The following RBFOX1 variants were observed in gnomAD, a reference collection of about 807,000 sequenced individuals.
RBFOX1 encodes the protein RNA binding fox-1 homolog 1.
A neutral mutation model predicts 57.7 loss-of-function variants in RBFOX1; 8 were observed. The observed-to-expected ratio is 0.14, with a 90% CI of 0.08 to 0.25. The LOEUF is 0.25. Among genes scored for constraint, RBFOX1 ranks in the 10% least tolerant of loss-of-function variants. The probability of loss-of-function intolerance (pLI) is 1.00; values close to 1 mark genes in which losing one functional copy is unlikely to be tolerated. For missense variants in RBFOX1, 611 were observed against 548.5 expected, an observed-to-expected ratio of 1.11 and a Z score of -1.14; for synonymous variants, 326 against 222.4, an observed-to-expected ratio of 1.47 and a Z score of -4.15.
chr16:6,249,808 G>GTA (rs981597113), intron 1 of RBFOX1, among the ~76,000 whole-genome samples: 1 of 150,436 alleles, frequency 6.6e-6, no homozygotes, highest in African/African-American at 2.5e-5. Flanking sequence ...AAGTTTTAGG[G>GTA]TACGTGTGCA....
chr16:7,220,268 C>G (rs1378132997), intron 4 of RBFOX1, among the ~76,000 whole-genome samples: 1 of 152,220 alleles, frequency 6.6e-6, no homozygotes, highest in Non-Finnish European at 1.5e-5. Flanking sequence ...CAGTGGGCGT[C>G]TGGTCCTGCC....
chr16:6,424,567 G>C (rs1251388922), intron 2 of RBFOX1, among the ~76,000 whole-genome samples: 1 of 151,638 alleles, frequency 6.6e-6, no homozygotes, highest in African/African-American at 2.4e-5. Flanking sequence ...CTTGTTAATA[G>C]TGCTGAGGTT....
intron 4 of RBFOX1, among the ~76,000 whole-genome samples, chr16:5,944,720 C>G (rs945648359): frequency 7.6e-5 from 11 of 145,344 alleles, no homozygotes; most frequent in African/African-American, 2.6e-4. Flanking sequence ...TTTGAGAGGC[C>G]AAGGTGGGCA....
Position 7,630,697 on chromosome 16 carries a change from C to A in RBFOX1, c.757+14C>A. The A allele has an allele frequency of 6.2e-7, 1 of 1,613,978 alleles. No individual in the cohort carries two copies. The highest frequency in any genetic ancestry group is 8.5e-7 in the Non-Finnish European group (1 of 1,179,982). The stretch of plus-strand genomic sequence containing the variant: ...ATACTTCTGCAAGTAAGCCCACTGT[C>A]GTGGCTCTTTTTGTTTTGTGACATA... On this transcript the variant is annotated intron_variant, in intron 11 of 15. Coordinates refer to ENST00000550418, the MANE Select transcript of RBFOX1 (RefSeq NM_018723.4).
intron 3 of RBFOX1, among the ~76,000 whole-genome samples, chr16:5,629,571 A>C (rs1020280305): frequency 2.7e-4 from 41 of 152,336 alleles, no homozygotes; most frequent in Middle Eastern, 3.4e-3. Context: ...ATACCTGAGA[A>C]GCTGCTTTAG....
intron 3 of RBFOX1, among the ~76,000 whole-genome samples, chr16:5,756,152 G>T (rs1244907386): frequency 1.5e-5 from 2 of 137,460 alleles, no homozygotes; most frequent in Non-Finnish European, 3.0e-5. Flanking sequence ...AAACCAGAAG[G>T]TTCCATGCCT....
At chr16:7,210,818 A>T (rs2090978455) in intron 4 of RBFOX1, among the ~76,000 whole-genome samples, 1 of 152,150 alleles carries the variant, frequency 6.6e-6, no homozygotes, top group Non-Finnish European at 1.5e-5. Flanking sequence ...GCAAGTCTAG[A>T]GATCCAATGT....
chr16:6,038,663 T>G (rs1021125573), intron 1 of RBFOX1: 1 of 148,662 alleles, frequency 6.7e-6, no homozygotes, highest in African/African-American at 2.5e-5. Flanking sequence ...GTAGGAGCTT[T>G]TGTGACCCAT....
intron 3 of RBFOX1, among the ~76,000 whole-genome samples, chr16:6,831,270 A>G (rs2092690145): frequency 6.6e-6 from 1 of 152,202 alleles, no homozygotes; most frequent in Non-Finnish European, 1.5e-5. Flanking sequence ...TGGCTCACCC[A>G]GGTCTTATAG....
At chr16:7,612,477 C>G (rs11640969) in intron 10 of RBFOX1, among the ~76,000 whole-genome samples, 75,074 of 151,172 alleles carry the variant, frequency 0.5, 19,841 homozygotes, top group Non-Finnish European at 0.58. Flanking sequence ...CAGAATATCT[C>G]TACCCAGTAG....
rs148142903 is a variant in RBFOX1 at position 6,713,536 on chromosome 16, C to G, written c.-16+58886C>G. Among the ~76,000 whole-genome samples, 95 of 152,144 alleles carry G rather than the reference C, an allele frequency of 6.2e-4. No individual in the cohort carries two copies. The East Asian group carries it at 0.018, about 29-fold the overall frequency. On this transcript the variant is annotated intron_variant, in intron 3 of 15. Coordinates refer to ENST00000550418, the MANE Select transcript of RBFOX1 (RefSeq NM_018723.4). Reference sequence around the variant, plus strand: ...CTCTACCCACTAGATGCAAGTAAAACCCCCTCCCCAGTTGAGACAACCACA... The same window carrying G: ...CTCTACCCACTAGATGCAAGTAAAAGCCCCTCCCCAGTTGAGACAACCACA...
intron 1 of RBFOX1, among the ~76,000 whole-genome samples, chr16:5,341,828 C>A (rs74003882): frequency 2.0e-5 from 3 of 152,080 alleles, no homozygotes; most frequent in Non-Finnish European, 4.4e-5. Context: ...CTCTTCGGAC[C>A]ATGTTAAGTT....
intron 3 of RBFOX1, among the ~76,000 whole-genome samples, chr16:6,792,193 A>C (rs2083102459): frequency 6.6e-6 from 1 of 152,338 alleles, no homozygotes; most frequent in East Asian, 1.9e-4. Context: ...AGTTAAGGTG[A>C]GTAATAACAA....
intron 2 of RBFOX1, among the ~76,000 whole-genome samples, chr16:5,472,066 C>T (rs544174234): frequency 5.9e-5 from 9 of 152,128 alleles, no homozygotes; most frequent in African/African-American, 1.2e-4. Flanking sequence ...TGACTTCTGA[C>T]GGATGCTCTT....
chr16:7,082,762 A>G (rs952653926), intron 4 of RBFOX1, among the ~76,000 whole-genome samples: 1 of 151,916 alleles, frequency 6.6e-6, no homozygotes, highest in Non-Finnish European at 1.5e-5. Context: ...CAATTTCTGT[A>G]GCAGATCAGA....
chr16:5,402,720 T>G (rs991933664), intron 1 of RBFOX1, among the ~76,000 whole-genome samples: 1 of 152,184 alleles, frequency 6.6e-6, no homozygotes, highest in Admixed American at 6.5e-5. Flanking sequence ...TGATGTGGTT[T>G]TAAAGAGACC....
chr16:6,228,788 G>T (rs941237313), intron 1 of RBFOX1, among the ~76,000 whole-genome samples: 1 of 152,106 alleles, frequency 6.6e-6, no homozygotes, highest in Admixed American at 6.6e-5. Context: ...GAAAATCACC[G>T]AGTAGATTTT....
chr16:7,059,686 A>G (rs1043544205), intron 4 of RBFOX1, among the ~76,000 whole-genome samples: 1 of 152,184 alleles, frequency 6.6e-6, no homozygotes, highest in Non-Finnish European at 1.5e-5. Context: ...ATCTCTTTAT[A>G]AAGCATATTG....
At chr16:6,122,052 T>G (rs1179712571) in intron 1 of RBFOX1, among the ~76,000 whole-genome samples, 2 of 152,072 alleles carry the variant, frequency 1.3e-5, no homozygotes, top group Non-Finnish European at 2.9e-5. Context: ...ACTACAGGCA[T>G]GCACCACCAT....
Sources: gnomAD v4.1 joint callset for allele counts (sites outside exome capture counted in the v4.1 genomes callset) on GRCh38, gnomAD v4.1.1 for gene constraint, MANE v1.5 for transcripts, NCBI Gene and HGNC (gene_info 2026-07-23, HGNC 2026-07-21) for gene names.